STXBP5L: variants seen among roughly 807,000 people sequenced by gnomAD.
The protein encoded by STXBP5L is syntaxin-binding protein 5-like.
STXBP5L carries 65 observed loss-of-function variants against 144.5 expected under a neutral mutation model. The ratio of observed to expected loss-of-function variants is 0.45; its 90% CI spans 0.37 to 0.55. The LOEUF (loss-of-function observed/expected upper bound fraction) is 0.55, where lower values mean the gene tolerates loss of function less well. Ranked by LOEUF, STXBP5L falls within the 20% of genes least tolerant of loss-of-function variation. The pLI is 0.00. For missense variants in STXBP5L, 1,298 were observed against 1,405.5 expected (o/e 0.92, Z 1.22); for synonymous variants, 505 against 469.6 (o/e 1.08, Z -0.97).
At chr3:121,062,790 ATTGAT>A (rs1414168917) in intron 5 of STXBP5L, among the ~76,000 whole-genome samples, 1 of 151,746 alleles carries the variant, frequency 6.6e-6, no homozygotes, top group Non-Finnish European at 1.5e-5. Context: ...CTTCCGCCTG[ATTGAT>A]TTGTCTATTG....
intron 22 of STXBP5L, among the ~76,000 whole-genome samples, chr3:121,400,076 G>T (rs1198021982): frequency 6.6e-6 from 1 of 152,194 alleles, no homozygotes; most frequent in East Asian, 1.9e-4. Flanking sequence ...ACAGGGTTCT[G>T]CTCCCAGAAG....
chr3:121,062,139 A>G (rs2041313331), intron 5 of STXBP5L, among the ~76,000 whole-genome samples: 1 of 152,032 alleles, frequency 6.6e-6, no homozygotes, highest in Non-Finnish European at 1.5e-5. Flanking sequence ...TTCCTTCAGG[A>G]GCTCTTGAAA....
intron 20 of STXBP5L, among the ~76,000 whole-genome samples, chr3:121,369,197 T>C (rs2045955350): frequency 6.6e-6 from 1 of 152,162 alleles, no homozygotes; most frequent in Admixed American, 6.5e-5. Context: ...TTAGCTGCAA[T>C]TTACCATCTA....
intron 3 of STXBP5L, among the ~76,000 whole-genome samples, chr3:120,976,169 G>T (rs1233795106): frequency 6.6e-6 from 1 of 152,106 alleles, no homozygotes; most frequent in Non-Finnish European, 1.5e-5. Context: ...GAATCCATCT[G>T]GTCCTGGACT....
Position 121,365,846 on chromosome 3 carries a change from T to C in STXBP5L, c.2177-12870T>C, listed in dbSNP as rs151097441. 3.2e-4 allele frequency among the ~76,000 whole-genome samples: 49 copies of C among 151,966 alleles called. No individual in the cohort carries two copies. The East Asian group carries it at 8.1e-3, about 25-fold the overall frequency. On this transcript the variant is annotated intron_variant, in intron 20 of 26. Transcript: ENST00000471454. ...TTTCTTTTTCTGCTTTCTTGAGTTG[T>C]AAAGTTAGGTTGTTGCCTTGAGATT...
At chr3:121,072,072 C>T (rs894956405) in intron 5 of STXBP5L, among the ~76,000 whole-genome samples, 3 of 152,328 alleles carry the variant, frequency 2.0e-5, no homozygotes, top group African/African-American at 4.8e-5. Flanking sequence ...TCTGCATTAG[C>T]TGTTGTACTA....
At chr3:120,969,886 T>G (rs1335544545) in intron 3 of STXBP5L, among the ~76,000 whole-genome samples, 1 of 152,102 alleles carries the variant, frequency 6.6e-6, no homozygotes, top group Non-Finnish European at 1.5e-5. Context: ...CTGTTACTGT[T>G]TTCCTTTGTG....
At chr3:121,153,976 G>A (rs1404858289) in intron 8 of STXBP5L, among the ~76,000 whole-genome samples, 5 of 151,734 alleles carry the variant, frequency 3.3e-5, no homozygotes, top group African/African-American at 1.2e-4. Context: ...CAAACACCAT[G>A]GGAATATTTA....
At chr3:121,001,836 C>T (rs1208451269) in intron 3 of STXBP5L, among the ~76,000 whole-genome samples, 4 of 152,182 alleles carry the variant, frequency 2.6e-5, no homozygotes, top group Admixed American at 2.6e-4. Flanking sequence ...ATGGTCTGGC[C>T]ACTCAGTGAG....
intron 2 of STXBP5L, among the ~76,000 whole-genome samples, chr3:120,919,865 A>G (rs1366785123): frequency 1.3e-5 from 2 of 151,862 alleles, no homozygotes; most frequent in Non-Finnish European, 3.0e-5. Flanking sequence ...TATAACTTTT[A>G]TGAAACTCCC....
At chr3:121,034,971 T>G (rs1349446256) in intron 3 of STXBP5L, among the ~76,000 whole-genome samples, 1 of 152,150 alleles carries the variant, frequency 6.6e-6, no homozygotes, top group Admixed American at 6.6e-5. Flanking sequence ...ATGAATAGTG[T>G]TGTAGAGCAT....
intron 3 of STXBP5L, among the ~76,000 whole-genome samples, chr3:121,027,514 C>T (rs2107488803): frequency 6.6e-6 from 1 of 152,140 alleles, no homozygotes; most frequent in African/African-American, 2.4e-5. Context: ...GTTTTCCTTC[C>T]TTTTTCAGCT....
chr3:121,375,069 T>C (rs2046145086), intron 20 of STXBP5L, among the ~76,000 whole-genome samples: 1 of 152,098 alleles, frequency 6.6e-6, no homozygotes, highest in Non-Finnish European at 1.5e-5. Flanking sequence ...ACTTACCAGG[T>C]ACAGAGTACT....
At chr3:121,104,003 A>G (rs2043562405) in intron 5 of STXBP5L, among the ~76,000 whole-genome samples, 1 of 152,178 alleles carries the variant, frequency 6.6e-6, no homozygotes, top group South Asian at 2.1e-4. Context: ...TTTCTGAAGG[A>G]CTATGAGTGT....
At chr3:121,187,948 C>T (rs1042650567) in intron 9 of STXBP5L, among the ~76,000 whole-genome samples, 1 of 151,890 alleles carries the variant, frequency 6.6e-6, no homozygotes, top group African/African-American at 2.4e-5. Context: ...AAGGGCATTA[C>T]ATAATGGTAA....
In STXBP5L at chr3:121,315,980, G is replaced by A. The variant is rs373457763; in HGVS notation, c.2111-2495G>A. On this transcript the variant is annotated intron_variant, in intron 19 of 26. Transcript: ENST00000471454. ...ATTGCACCAATTCATTCCAGCCTGGGCGATAGTGAGACTCTGTCTCAAAAA... is the reference window on the plus strand; with the variant it reads ...ATTGCACCAATTCATTCCAGCCTGGACGATAGTGAGACTCTGTCTCAAAAA... Among the ~76,000 whole-genome samples, 100 of 140,128 alleles carry A rather than the reference G, an allele frequency of 7.1e-4. No individual in the cohort carries two copies. In the East Asian group the frequency reaches 0.02, roughly 28 times the overall value. 91.9% of individuals were successfully genotyped at this position (140,128 alleles called of 152,430 possible).
At chr3:121,121,288 T>G (rs2044450481) in intron 6 of STXBP5L, among the ~76,000 whole-genome samples, 1 of 151,284 alleles carries the variant, frequency 6.6e-6, no homozygotes, top group Non-Finnish European at 1.5e-5. Context: ...TTTTACACCA[T>G]TACCTTTGTA....
At chr3:121,028,737 A>T (rs941851257) in intron 3 of STXBP5L, among the ~76,000 whole-genome samples, 1 of 152,098 alleles carries the variant, frequency 6.6e-6, no homozygotes, top group Non-Finnish European at 1.5e-5. Flanking sequence ...TTAAATAGTA[A>T]TCAGTGCAGT....
intron 2 of STXBP5L, among the ~76,000 whole-genome samples, chr3:120,954,666 A>G (rs1254656723): frequency 1.3e-5 from 2 of 152,088 alleles, no homozygotes; most frequent in Non-Finnish European, 2.9e-5. Flanking sequence ...TTTCCTGAAT[A>G]TATGCATAGG....
Sources: allele counts gnomAD v4.1 joint callset (sites outside exome capture counted in the v4.1 genomes callset), GRCh38; gene constraint gnomAD v4.1.1; transcripts MANE v1.5; gene names NCBI Gene and HGNC (gene_info 2026-07-23, HGNC 2026-07-21).